The following ESYT3 variants were observed in gnomAD, a reference collection of about 807,000 sequenced individuals.
ESYT3 encodes extended synaptotagmin 3, also known as extended synaptotagmin-3.
ESYT3 carries 101 observed loss-of-function variants against 111.5 expected under a neutral mutation model. That is an observed-to-expected ratio of 0.91 (90% CI 0.77 to 1.07). ESYT3 has a LOEUF of 1.07. ESYT3 is among the 50% of genes least tolerant of loss of function. The pLI, the probability that ESYT3 is intolerant of heterozygous loss-of-function variation, is 0.00. For synonymous variants in ESYT3, 416 were observed against 446.8 expected, an observed-to-expected ratio of 0.93 and a Z score of 0.87; for missense variants, 1,097 against 1,109.4, an observed-to-expected ratio of 0.99 and a Z score of 0.16.
rs1560239492 is a variant in ESYT3 at position 138,468,879 on chromosome 3, A to G, written c.1432A>G (p.Arg478Gly). 3 of 1,614,204 alleles carry G rather than the reference A, an allele frequency of 1.9e-6. No individual in the cohort carries two copies. Among genetic ancestry groups the G allele is most frequent in the Admixed American group, 1.7e-5 (1 of 60,024 alleles). The change falls in exon 14 of 23, where the codon AGA becomes GGA. Residue 478 changes from arginine (R) to glycine (G), a missense_variant and splice_region_variant. Transcript: ENST00000389567. ...YRAKKLSRFA[R>G]NKVSKDPSSY... ...AGCCAAAAAACTCTCCAGGTTTGCC[A>G]GAGTGAGTGAGTATGTGGCTAAAAA...
At chr3:138,449,908 TGAGGC>T (rs2031813636) in intron 1 of ESYT3, among the ~76,000 whole-genome samples, 1 of 152,192 alleles carries the variant, frequency 6.6e-6, no homozygotes, top group African/African-American at 2.4e-5. Flanking sequence ...TTAATAGGGG[TGAGGC>T]CCAGTCAGCC....
rs1438949128 is a variant in ESYT3 at position 138,440,097 on chromosome 3, AGT to A, written c.327+4973_327+4974del. Among the ~76,000 whole-genome samples the A allele has an allele frequency of 2.6e-5, 4 of 152,198 alleles. No homozygotes were observed. The highest frequency in any genetic ancestry group is 2.6e-4 in the Admixed American group (4 of 15,280). On this transcript the variant is annotated intron_variant, in intron 1 of 22. Coordinates refer to ENST00000389567, the MANE Select transcript of ESYT3 (RefSeq NM_031913.5). The surrounding 1 kb of genome is among the most constrained non-coding windows in gnomAD (Gnocchi z 4.2). Reference sequence around the variant, plus strand: ...GCTGTAGGGTCTGCCATCATTAACCAGTCCCGAGCCTGCTTTTCTCTGGTGAC... The same window carrying A: ...GCTGTAGGGTCTGCCATCATTAACCACCCGAGCCTGCTTTTCTCTGGTGAC...
chr3:138,471,464 A>G (rs1438447968), intron 17 of ESYT3, among the ~76,000 whole-genome samples: 3 of 151,988 alleles, frequency 2.0e-5, no homozygotes, highest in Non-Finnish European at 4.4e-5. Context: ...TCTTTTCCAA[A>G]TCTATTTGGT....
At chr3:138,464,268 A>T in intron 8 of ESYT3, 77 bp from the exon 9 acceptor site, 1 of 1,523,914 alleles carries the variant, frequency 6.6e-7, no homozygotes, top group Non-Finnish European at 9.0e-7. Context: ...GTGATCTCTG[A>T]TGGTTTTAGC....
At chr3:138,450,091 C>T (rs1039918231) in intron 1 of ESYT3, among the ~76,000 whole-genome samples, 9 of 152,150 alleles carry the variant, frequency 5.9e-5, no homozygotes, top group African/African-American at 2.2e-4. Context: ...ACGAACGAAT[C>T]AATCAAAGGG....
At chr3:138,456,191 C>A (rs975667142) in intron 3 of ESYT3, among the ~76,000 whole-genome samples, 2 of 152,242 alleles carry the variant, frequency 1.3e-5, no homozygotes, top group East Asian at 3.8e-4. Flanking sequence ...TTGGTTCATG[C>A]ATTCATTTCT....
At position 138,464,411 on chromosome 3, in the gene ESYT3, C is replaced by T. The variant is rs770625121; in HGVS notation, c.982C>T (p.Arg328Ter). 4.6e-5 allele frequency: 75 copies of T among 1,614,074 alleles called. No homozygotes were observed. In the East Asian group the frequency reaches 1.3e-3, roughly 28 times the overall value. ...CCAGAAGGACAACTTTCTGGGGCTC[C>T]GAGGCAAGTCAGATCCCTACGCCAA... ...LAQKDNFLGL[R>*]GKSDPYAKVS... Residue 328 changes from arginine (R) to a stop codon, truncating the protein, a stop_gained, in exon 9 of 23, where the codon CGA (arginine) becomes TGA (stop). Coordinates refer to ENST00000389567, the MANE Select transcript of ESYT3 (RefSeq NM_031913.5). LOFTEE classifies it high-confidence loss of function.
chr3:138,480,026 C>A (rs866730571), downstream of ESYT3: 34 of 152,084 alleles, frequency 2.2e-4, no homozygotes, highest in African/African-American at 8.0e-4. Context: ...AGAGTAATAG[C>A]AGAAAGCCAA....
chr3:138,460,751 G>T, intron 7 of ESYT3, 85 bp downstream of exon 7: 1 of 1,405,734 alleles, frequency 7.1e-7, no homozygotes, highest in Non-Finnish European at 1.0e-6. Context: ...CTGTGCAATG[G>T]TGGTGCTTTC....
intron 8 of ESYT3, among the ~76,000 whole-genome samples, chr3:138,463,724 T>C (rs1029235232): frequency 6.6e-6 from 1 of 152,238 alleles, no homozygotes; most frequent in Admixed American, 6.5e-5. Context: ...GAAGGAGATA[T>C]ATCTCAAAAC....
Position 138,464,476 on chromosome 3 carries a change from C to A in ESYT3, c.1047C>A (p.Ile349=). ...TACAGCATTTCCGGAGTAGGACCAT[C>A]TACAGGAACCTGAACCCCACCTGGA... is the stretch of plus-strand genomic sequence containing the variant. The part of the protein sequence containing the change: ...IGLQHFRSRT[I]YRNLNPTWNE... The change falls in exon 9 of 23, where the codon ATC becomes ATA. Residue 349 remains isoleucine, a synonymous_variant. Transcript: ENST00000389567. The A allele has an allele frequency of 6.2e-7, 1 of 1,614,134 alleles. No homozygotes were observed. The highest frequency in any genetic ancestry group is 8.5e-7 in the Non-Finnish European group (1 of 1,180,022).
chr3:138,436,833 G>A (rs2030737313), intron 1 of ESYT3, among the ~76,000 whole-genome samples: 1 of 152,204 alleles, frequency 6.6e-6, no homozygotes, highest in Non-Finnish European at 1.5e-5. Context: ...TCTTCACCAA[G>A]TAACATCCCT....
At chr3:138,449,622 G>T (rs2108601398) in intron 1 of ESYT3, among the ~76,000 whole-genome samples, 1 of 152,268 alleles carries the variant, frequency 6.6e-6, no homozygotes, top group South Asian at 2.1e-4. Context: ...CACCTTTCGG[G>T]GTCGAGAGAT....
rs938947762 is a variant in ESYT3, at chr3:138,479,606, T to C, written c.*2752T>C. On this transcript the variant is annotated 3_prime_UTR_variant, in exon 23 of 23. Transcript: ENST00000389567. ...GATGTTTTCCATGGCTGCTAGCTAATTGGCATACAGAGCTGTTCTCAATCA... is the reference window on the plus strand; with the variant it reads ...GATGTTTTCCATGGCTGCTAGCTAACTGGCATACAGAGCTGTTCTCAATCA... The C allele has an allele frequency of 7.5e-6, 1 of 133,730 alleles. No individual in the cohort carries two copies. Among genetic ancestry groups the C allele is most frequent in the East Asian group, 2.7e-4 (1 of 3,654 alleles). The allele number at this position is 133,730 out of a possible 1,614,324, so 8.3% of individuals were successfully genotyped here.
At chr3:138,445,038 C>T (rs1051550791) in intron 1 of ESYT3, among the ~76,000 whole-genome samples, 6 of 152,210 alleles carry the variant, frequency 3.9e-5, no homozygotes, top group African/African-American at 1.4e-4. Context: ...CGCAGGTTTC[C>T]AGGCTCCTGC....
rs138220144 is a variant in ESYT3 at position 138,464,431 on chromosome 3, C to T, written c.1002C>T (p.Tyr334=). 6.5e-4 allele frequency: 1,054 copies of T among 1,614,048 alleles called. 7 individuals carry two copies. The highest frequency in any genetic ancestry group is 3.3e-4 in the Middle Eastern group (2 of 6,084). The change falls in exon 9 of 23, where the codon TAC becomes TAT. Residue 334 remains tyrosine, a synonymous_variant. Coordinates refer to ENST00000389567, the MANE Select transcript of ESYT3 (RefSeq NM_031913.5). ...GGCTCCGAGGCAAGTCAGATCCCTA[C>T]GCCAAGGTGAGCATCGGCCTACAGC... ...FLGLRGKSDP[Y]AKVSIGLQHF... is the part of the protein sequence containing the mutation.
At chr3:138,465,315 C>G (rs1576456444) in intron 9 of ESYT3, 24 bp from the exon 10 acceptor site, 1 of 1,553,246 alleles carries the variant, frequency 6.4e-7, no homozygotes, top group South Asian at 1.2e-5. Flanking sequence ...GCCTGCAGGT[C>G]AAGACACCTC....
rs1374988778 is a variant in ESYT3, at chr3:138,473,635, G to A, written c.2336+1G>A. The A allele has an allele frequency of 1.2e-6, 2 of 1,612,896 alleles. No homozygotes were observed. The highest frequency in any genetic ancestry group is 1.7e-6 in the Non-Finnish European group (2 of 1,179,186). ...TCAGCGTGCTAATCAATGGCTGCAG[G>A]TAAAGGGATTCTAGGGCCAGGGAGG... On this transcript the variant is annotated splice_donor_variant, in intron 19 of 22. Coordinates refer to ENST00000389567, the MANE Select transcript of ESYT3 (RefSeq NM_031913.5). LOFTEE classifies it high-confidence loss of function.
chr3:138,468,054 A>C lies in ESYT3; in HGVS notation c.1219-51A>C, dbSNP rs370260600. Reference sequence around the variant, plus strand: ...AGGACTGGGCTGCCCAGAGAGCATCAGTAGCATCTCCCTGGCCCTTTTCCC... The same window carrying C: ...AGGACTGGGCTGCCCAGAGAGCATCCGTAGCATCTCCCTGGCCCTTTTCCC... On this transcript the variant is annotated intron_variant, in intron 11 of 22. Coordinates refer to ENST00000389567, the MANE Select transcript of ESYT3 (RefSeq NM_031913.5). 2.0e-6 allele frequency: 3 copies of C among 1,530,564 alleles called. No homozygotes were observed. The African/African-American group carries it at 4.1e-5, about 21-fold the overall frequency. The allele number at this position is 1,530,564 out of a possible 1,614,324, so 94.8% of individuals were successfully genotyped here. A position where few individuals can be genotyped will look rare whatever the true frequency, so the allele number is the denominator to read the frequency against.
Sources: gnomAD v4.1 joint callset for allele counts (sites outside exome capture counted in the v4.1 genomes callset) on GRCh38, gnomAD v4.1.1 for gene constraint, Gnocchi (gnomAD v3.1) non-coding constraint, MANE v1.5 for transcripts, NCBI Gene and HGNC (gene_info 2026-07-23, HGNC 2026-07-21) for gene names.